SMCO4: variants seen among roughly 807,000 people sequenced by gnomAD.
The protein encoded by SMCO4 is single-pass membrane and coiled-coil domain-containing protein 4.
A neutral mutation model predicts 3.6 loss-of-function variants in SMCO4; 4 were observed. The ratio of observed to expected loss-of-function variants is 1.11; its 90% CI spans 0.54 to 2.53. The LOEUF (loss-of-function observed/expected upper bound fraction) is 2.53, where lower values mean the gene tolerates loss of function less well. SMCO4 is among the 30% of genes most tolerant of loss of function. SMCO4 has a pLI of 0.02. For synonymous variants in SMCO4, 36 were observed against 35.3 expected (o/e 1.02, Z -0.07); for missense variants, 70 against 80.8 (o/e 0.87, Z 0.51).
chr11:93,513,334 T>A (rs1272287508), intron 1 of SMCO4, among the ~76,000 whole-genome samples: 1 of 152,232 alleles, frequency 6.6e-6, no homozygotes, highest in African/African-American at 2.4e-5. Flanking sequence ...AAACACAAGT[T>A]TGACAAAATA....
At chr11:93,542,827 C>G (rs2134645186) in intron 1 of SMCO4, among the ~76,000 whole-genome samples, 1 of 152,292 alleles carries the variant, frequency 6.6e-6, no homozygotes, top group Middle Eastern at 3.4e-3. Flanking sequence ...TGAGCGCACC[C>G]CTTTCTCGGC....
chr11:93,544,340 TTA>T (rs2134647362), upstream of SMCO4, among the ~76,000 whole-genome samples: 1 of 152,278 alleles, frequency 6.6e-6, no homozygotes, highest in South Asian at 2.1e-4. Flanking sequence ...CTTAAAACCT[TTA>T]TATGTGTGGT....
At chr11:93,505,948 G>A (rs1015722628) in intron 1 of SMCO4, among the ~76,000 whole-genome samples, 1 of 152,070 alleles carries the variant, frequency 6.6e-6, no homozygotes, top group Non-Finnish European at 1.5e-5. Context: ...GGTACTTGGT[G>A]CTCCTGCCCA....
rs58177836 is a variant in SMCO4 at position 93,478,713 on chromosome 11, GCACACACACACACACACACACACA to G, written c.*273_*296del. 4.4e-5 allele frequency: 10 copies of G among 225,996 alleles called. No homozygotes were observed. Among genetic ancestry groups the G allele is most frequent in the Non-Finnish European group, 7.8e-5 (10 of 128,614 alleles). 14.0% of individuals were successfully genotyped at this position (225,996 alleles called of 1,614,324 possible). ...ATCGATTTTTAGGAGAGAAAAAGAA[GCACACACACACACACACACACACA>G]CACACACACACACACATGCGCGCGC... On this transcript the variant is annotated 3_prime_UTR_variant, in exon 3 of 3. Coordinates refer to ENST00000298966, the MANE Select transcript of SMCO4 (RefSeq NM_020179.3).
intron 2 of SMCO4, among the ~76,000 whole-genome samples, chr11:93,483,767 C>G (rs558208501): frequency 6.6e-6 from 1 of 152,308 alleles, no homozygotes; most frequent in East Asian, 1.9e-4. Flanking sequence ...CAAGGCCCTG[C>G]CACTGACACA....
At chr11:93,546,472 A>G (rs1253988656), upstream of SMCO4, among the ~76,000 whole-genome samples, 1 of 152,206 alleles carries the variant, frequency 6.6e-6, no homozygotes, top group African/African-American at 2.4e-5. Context: ...TAAGCTCCTT[A>G]ATGACAATTA....
intron 1 of SMCO4, among the ~76,000 whole-genome samples, chr11:93,512,769 T>C (rs889497218): frequency 1.3e-5 from 2 of 152,202 alleles, no homozygotes; most frequent in Non-Finnish European, 2.9e-5. Flanking sequence ...TTTCTCAGGA[T>C]GTGTCCCTGT....
At chr11:93,521,295 G>A (rs1161010772) in intron 1 of SMCO4, among the ~76,000 whole-genome samples, 1 of 152,184 alleles carries the variant, frequency 6.6e-6, no homozygotes, top group Non-Finnish European at 1.5e-5. Context: ...CAGTGGGCCT[G>A]GCTCCAGCTG....
At chr11:93,546,828 C>T (rs182082751), upstream of SMCO4, among the ~76,000 whole-genome samples, 307 of 152,284 alleles carry the variant, frequency 2.0e-3, 2 homozygotes, top group Middle Eastern at 6.8e-3. Context: ...CTTGCCCCTA[C>T]AGAGATATTG....
At chr11:93,542,236 T>C (rs1949276557) in intron 1 of SMCO4, among the ~76,000 whole-genome samples, 1 of 152,122 alleles carries the variant, frequency 6.6e-6, no homozygotes, top group South Asian at 2.1e-4. Context: ...ACGCAGACAC[T>C]AGCAGGCCAT....
At chr11:93,531,025 G>A (rs190868567) in intron 1 of SMCO4, among the ~76,000 whole-genome samples, 1 of 152,354 alleles carries the variant, frequency 6.6e-6, no homozygotes, top group African/African-American at 2.4e-5. Context: ...TTAATTTCAT[G>A]TGTCAACTTG....
upstream of SMCO4, chr11:93,543,498 C>T (rs1214505971): frequency 6.5e-6 from 1 of 152,978 alleles, no homozygotes; most frequent in Non-Finnish European, 1.5e-5. Context: ...GGCTCCCGCC[C>T]CCTCTTCCCC....
intron 1 of SMCO4, among the ~76,000 whole-genome samples, chr11:93,525,151 C>A (rs997171398): frequency 1.3e-5 from 2 of 152,198 alleles, no homozygotes; most frequent in Admixed American, 6.5e-5. Context: ...CAGAACACCT[C>A]CCAGGGCTCC....
chr11:93,529,199 T>G (rs1047288169), intron 1 of SMCO4, among the ~76,000 whole-genome samples: 1 of 152,256 alleles, frequency 6.6e-6, no homozygotes, highest in Non-Finnish European at 1.5e-5. Flanking sequence ...GCTCTTTTGA[T>G]GTGCTAAGGA....
chr11:93,522,808 C>T (rs1434390806), intron 1 of SMCO4, among the ~76,000 whole-genome samples: 2 of 152,138 alleles, frequency 1.3e-5, no homozygotes, highest in Non-Finnish European at 2.9e-5. Flanking sequence ...CCACACCTTG[C>T]AAACTTCTAA....
intron 1 of SMCO4, among the ~76,000 whole-genome samples, chr11:93,512,835 G>A: frequency 6.6e-6 from 1 of 152,158 alleles, no homozygotes; most frequent in East Asian, 1.9e-4. Context: ...GCTGTGAAAG[G>A]GTACTACAAT....
At chr11:93,489,039 G>C (rs1323250716) in intron 2 of SMCO4, among the ~76,000 whole-genome samples, 1 of 152,138 alleles carries the variant, frequency 6.6e-6, no homozygotes, top group African/African-American at 2.4e-5. Context: ...GGGCAAGATT[G>C]GAGTAAGTCT....
intron 2 of SMCO4, among the ~76,000 whole-genome samples, chr11:93,496,594 C>A (rs1457973782): frequency 6.6e-6 from 1 of 152,078 alleles, no homozygotes; most frequent in Non-Finnish European, 1.5e-5. Context: ...CCTGTCTATC[C>A]TCTCATGGTG....
chr11:93,481,551 G>A (rs1040422395), intron 2 of SMCO4: 3 of 981,618 alleles, frequency 3.1e-6, no homozygotes, highest in Middle Eastern at 5.3e-4. Context: ...CAACGGCCCT[G>A]TGAGTCAGAC....
Sources: allele counts gnomAD v4.1 joint callset (sites outside exome capture counted in the v4.1 genomes callset), GRCh38; gene constraint gnomAD v4.1.1; transcripts MANE v1.5; gene names NCBI Gene and HGNC (gene_info 2026-07-23, HGNC 2026-07-21).